CHCHD3: variants seen among roughly 807,000 people sequenced by gnomAD.
CHCHD3 encodes MICOS complex subunit MIC19.
A neutral mutation model predicts 38.2 loss-of-function variants in CHCHD3; 20 were observed. The observed-to-expected ratio is 0.52, with a 90% CI of 0.37 to 0.76. The LOEUF is 0.76. Among genes scored for constraint, CHCHD3 ranks in the 30% least tolerant of loss-of-function variants. The pLI, the probability that CHCHD3 is intolerant of heterozygous loss-of-function variation, is 0.00. For synonymous variants in CHCHD3, 82 were observed against 100.0 expected (o/e 0.82, Z 1.07); for missense variants, 245 against 279.2 (o/e 0.88, Z 0.87).
intron 4 of CHCHD3, among the ~76,000 whole-genome samples, chr7:132,974,284 C>T (rs1453123041): frequency 6.6e-6 from 1 of 152,066 alleles, no homozygotes; most frequent in Middle Eastern, 3.2e-3. Context: ...TCTTTTAAAC[C>T]TTCTTCTGTC....
chr7:132,864,670 G>A (rs1808573920), intron 5 of CHCHD3, among the ~76,000 whole-genome samples: 1 of 152,050 alleles, frequency 6.6e-6, no homozygotes, highest in African/African-American at 2.4e-5. Context: ...TAAGAGAAAT[G>A]TACCCCAAGT....
At chr7:132,901,937 T>A (rs1809680930) in intron 4 of CHCHD3, among the ~76,000 whole-genome samples, 1 of 152,216 alleles carries the variant, frequency 6.6e-6, no homozygotes, top group Non-Finnish European at 1.5e-5. Flanking sequence ...CTAGGGTTTT[T>A]TCTTCTAGGG....
chr7:133,009,972 A>G (rs2117409116), intron 3 of CHCHD3, among the ~76,000 whole-genome samples: 1 of 152,304 alleles, frequency 6.6e-6, no homozygotes, highest in Non-Finnish European at 1.5e-5. Flanking sequence ...CTGAAACCAA[A>G]AAAACACTGC....
At chr7:132,977,419 T>A (rs1357084077) in intron 3 of CHCHD3, among the ~76,000 whole-genome samples, 1 of 152,154 alleles carries the variant, frequency 6.6e-6, no homozygotes. Flanking sequence ...TGGAGGTAAA[T>A]GAAAGTAACA....
intron 6 of CHCHD3, among the ~76,000 whole-genome samples, chr7:132,803,119 A>G (rs902816296): frequency 6.6e-6 from 1 of 152,224 alleles, no homozygotes; most frequent in South Asian, 2.1e-4. Flanking sequence ...TAGCATGCAC[A>G]TAGTGGGAAC....
intron 5 of CHCHD3, among the ~76,000 whole-genome samples, chr7:132,858,291 G>A (rs530232665): frequency 7.9e-4 from 121 of 152,254 alleles, no homozygotes; most frequent in African/African-American, 2.8e-3. Flanking sequence ...TTGAACTCCA[G>A]ACCTCAGGTG....
At chr7:133,044,178 C>A (rs1232770132) in intron 2 of CHCHD3, among the ~76,000 whole-genome samples, 1 of 152,162 alleles carries the variant, frequency 6.6e-6, no homozygotes, top group Non-Finnish European at 1.5e-5. Context: ...AGGGCTGAAA[C>A]CCCTTTGCCT....
intron 2 of CHCHD3, among the ~76,000 whole-genome samples, chr7:133,059,220 T>C (rs968424334): frequency 3.9e-5 from 6 of 152,084 alleles, no homozygotes; most frequent in Admixed American, 1.3e-4. Flanking sequence ...GAAGAAAAGC[T>C]CCACTCTCAA....
At chr7:132,847,556 T>C (rs1277589502) in intron 5 of CHCHD3, among the ~76,000 whole-genome samples, 1 of 152,208 alleles carries the variant, frequency 6.6e-6, no homozygotes, top group African/African-American at 2.4e-5. Context: ...TTCCCAAGTT[T>C]CTCTGGGCTG....
At chr7:132,882,056 T>C (rs1809071648) in intron 5 of CHCHD3, among the ~76,000 whole-genome samples, 1 of 152,178 alleles carries the variant, frequency 6.6e-6, no homozygotes, top group African/African-American at 2.4e-5. Context: ...ATGATTATCG[T>C]TATCTTATAC....
At chr7:133,002,594 T>TAA (rs992226453) in intron 3 of CHCHD3, among the ~76,000 whole-genome samples, 5 of 145,514 alleles carry the variant, frequency 3.4e-5, no homozygotes, top group African/African-American at 7.5e-5. Flanking sequence ...TAAGCACTGT[T>TAA]AAAAAAAAAA....
Position 133,061,742 on chromosome 7 carries a change from C to A in CHCHD3, c.169+8400G>T, listed in dbSNP as rs78430768. Among the ~76,000 whole-genome samples the A allele has an allele frequency of 7.3e-3, 1,112 of 152,312 alleles. 18 individuals are homozygous for A. Among genetic ancestry groups the A allele is most frequent in the African/African-American group, 0.025 (1,048 of 41,574 alleles). On this transcript the variant is annotated intron_variant, in intron 2 of 7. Coordinates refer to ENST00000262570, the MANE Select transcript of CHCHD3 (RefSeq NM_017812.4). ...ATCATTTGATGCTGGCTAATTAAAA[C>A]CCATATTTCAATCAACCACTCATTC...
intron 6 of CHCHD3, among the ~76,000 whole-genome samples, chr7:132,810,186 A>T (rs961551214): frequency 2.0e-5 from 3 of 152,224 alleles, no homozygotes; most frequent in African/African-American, 7.2e-5. Flanking sequence ...CATGCATCCA[A>T]GTAGTTGCTA....
Position 132,796,677 on chromosome 7 carries a change from G to C in CHCHD3, c.525-100C>G. 3 of 1,035,646 alleles carry C rather than the reference G, an allele frequency of 2.9e-6. No homozygotes were observed. In the Admixed American group the frequency reaches 7.3e-5, roughly 25 times the overall value. 64.2% of individuals were successfully genotyped at this position (1,035,646 alleles called of 1,614,324 possible). A position where few individuals can be genotyped will look rare whatever the true frequency, so the allele number is the denominator to read the frequency against. The stretch of plus-strand genomic sequence containing the variant: ...AAACGCACAGTAAGACACAGATGTT[G>C]CAAATGTAGAAAAAGGTTTAAGAGA... On this transcript the variant is annotated intron_variant, in intron 6 of 7. Coordinates refer to ENST00000262570, the MANE Select transcript of CHCHD3 (RefSeq NM_017812.4).
chr7:132,845,695 T>C (rs1440770835), intron 5 of CHCHD3, among the ~76,000 whole-genome samples: 1 of 152,204 alleles, frequency 6.6e-6, no homozygotes. Context: ...CTACTGTTCA[T>C]GATTCTCAAA....
In CHCHD3 at chr7:133,081,900, T is replaced by C. The variant is rs1815184470; in HGVS notation, c.38A>G (p.Glu13Gly). 2.6e-6 allele frequency: 4 copies of C among 1,560,284 alleles called. No individual in the cohort carries two copies. The highest frequency in any genetic ancestry group is 3.5e-6 in the Non-Finnish European group (4 of 1,151,642). The change falls in exon 1 of 8, where the codon GAG becomes GGG. Residue 13 changes from glutamate (E) to glycine (G), a missense_variant. Coordinates refer to ENST00000262570, the MANE Select transcript of CHCHD3 (RefSeq NM_017812.4). ...GTTSTRRVTF[E>G]ADENENITVV... ...GGTGATGTTCTCATTCTCGTCCGCC[T>C]CGAAGGTGACCCGGCGGGTGCTGGT...
In CHCHD3 at chr7:133,082,076, G is replaced by C. The variant is rs1815195461; in HGVS notation, c.-139C>G. 1 of 736,048 alleles carries C rather than the reference G, an allele frequency of 1.4e-6. No homozygotes were observed. The highest frequency in any genetic ancestry group is 2.1e-6 in the Non-Finnish European group (1 of 467,400). 45.6% of individuals were successfully genotyped at this position (736,048 alleles called of 1,614,324 possible). On this transcript the variant is annotated 5_prime_UTR_variant, in exon 1 of 8. Coordinates refer to ENST00000262570, the MANE Select transcript of CHCHD3 (RefSeq NM_017812.4). ...AGGCCACGACCCCCAGAAGCAAGGAGAAGGCGCCGGTCCTGAGCTCCCGCC... is the reference window on the plus strand; with the variant it reads ...AGGCCACGACCCCCAGAAGCAAGGACAAGGCGCCGGTCCTGAGCTCCCGCC...
At chr7:133,050,324 A>T (rs1403974682) in intron 2 of CHCHD3, among the ~76,000 whole-genome samples, 1 of 142,580 alleles carries the variant, frequency 7.0e-6, no homozygotes, top group Non-Finnish European at 1.5e-5. Flanking sequence ...GCTGAGTAAC[A>T]GAGGAGGCTG....
chr7:133,066,991 C>T (rs1055333219), intron 2 of CHCHD3, among the ~76,000 whole-genome samples: 3 of 152,222 alleles, frequency 2.0e-5, no homozygotes, highest in Admixed American at 6.5e-5. Flanking sequence ...ACAGCATTTG[C>T]TCTGGAGTCA....
Sources: gnomAD v4.1 joint callset for allele counts (sites outside exome capture counted in the v4.1 genomes callset) on GRCh38, gnomAD v4.1.1 for gene constraint, MANE v1.5 for transcripts, NCBI Gene and HGNC (gene_info 2026-07-23, HGNC 2026-07-21) for gene names.